The following SAMMSON variants were observed in gnomAD, a reference collection of about 807,000 sequenced individuals.
SAMMSON encodes the protein long intergenic non-protein coding RNA 1212.
At chr3:70,191,063 TC>T (rs1425295555) in intron 4 of SAMMSON, among the ~76,000 whole-genome samples, 1 of 152,170 alleles carries the variant, frequency 6.6e-6, no homozygotes, top group East Asian at 1.9e-4. Flanking sequence ...ACTGAGAGGA[TC>T]TTCTTCTATA....
At chr3:70,239,901 T>C (rs576770633) in intron 4 of SAMMSON, among the ~76,000 whole-genome samples, 2 of 152,294 alleles carry the variant, frequency 1.3e-5, no homozygotes, top group East Asian at 3.9e-4. Flanking sequence ...GTCTATTTAC[T>C]CTTGCGGACA....
intron 6 of SAMMSON, among the ~76,000 whole-genome samples, chr3:70,281,732 G>C (rs1284754581): frequency 1.3e-5 from 2 of 152,024 alleles, no homozygotes; most frequent in African/African-American, 4.8e-5. Flanking sequence ...TCTCGTCTTT[G>C]GAATTCCGAT....
At chr3:70,042,549 A>T (rs768145546) in intron 3 of SAMMSON, among the ~76,000 whole-genome samples, 4 of 152,082 alleles carry the variant, frequency 2.6e-5, no homozygotes, top group Non-Finnish European at 1.5e-5. Context: ...GATTCTACAG[A>T]TGACAACACA....
At chr3:70,055,644 ACTTAT>A (rs1296209036) in intron 3 of SAMMSON, among the ~76,000 whole-genome samples, 1 of 152,108 alleles carries the variant, frequency 6.6e-6, no homozygotes, top group African/African-American at 2.4e-5. Context: ...TTTCCGTTGA[ACTTAT>A]CTTATGTGAC....
intron 6 of SAMMSON, among the ~76,000 whole-genome samples, chr3:70,290,188 G>GT (rs1702218337): frequency 6.6e-6 from 1 of 152,110 alleles, no homozygotes; most frequent in African/African-American, 2.4e-5. Context: ...CATCTTTGTG[G>GT]TTTTATCTAC....
At chr3:70,323,760 C>A (rs753126680) in intron 7 of SAMMSON, among the ~76,000 whole-genome samples, 1 of 152,108 alleles carries the variant, frequency 6.6e-6, no homozygotes, top group Non-Finnish European at 1.5e-5. Flanking sequence ...TGCTGGCATA[C>A]CTTATTGTTG....
At chr3:70,036,822 A>T (rs2067087224) in intron 3 of SAMMSON, among the ~76,000 whole-genome samples, 1 of 152,104 alleles carries the variant, frequency 6.6e-6, no homozygotes, top group African/African-American at 2.4e-5. Flanking sequence ...TATTAAAAAA[A>T]TTGCTGTGAG....
intron 4 of SAMMSON, among the ~76,000 whole-genome samples, chr3:70,167,016 G>A (rs766827386): frequency 2.6e-5 from 4 of 151,854 alleles, no homozygotes; most frequent in Non-Finnish European, 5.9e-5. Flanking sequence ...AAATTTTATA[G>A]TAGTTACAAT....
chr3:70,003,502 T>G (rs2066914044), intron 1 of SAMMSON, among the ~76,000 whole-genome samples: 1 of 151,856 alleles, frequency 6.6e-6, no homozygotes, highest in African/African-American at 2.4e-5. Context: ...GGTATTTACA[T>G]GGTTATTAAA....
chr3:70,179,921 C>G (rs969481504), intron 4 of SAMMSON, among the ~76,000 whole-genome samples: 27 of 151,876 alleles, frequency 1.8e-4, no homozygotes, highest in African/African-American at 6.5e-4. Context: ...TGGATAGTGT[C>G]AACAGTCCTG....
intron 4 of SAMMSON, chr3:70,075,228 C>A (rs1458280263): frequency 6.6e-6 from 1 of 152,098 alleles, no homozygotes; most frequent in Non-Finnish European, 1.5e-5. Flanking sequence ...CACTAATTTA[C>A]TAAAGAATCT....
intron 2 of SAMMSON, among the ~76,000 whole-genome samples, chr3:70,413,746 A>C (rs531302577): frequency 8.5e-5 from 13 of 152,208 alleles, no homozygotes; most frequent in African/African-American, 3.1e-4. Flanking sequence ...AAAGGGCACT[A>C]TTTAGGGAAA....
intron 4 of SAMMSON, among the ~76,000 whole-genome samples, chr3:70,164,128 C>T (rs2067627195): frequency 6.6e-6 from 1 of 151,908 alleles, no homozygotes; most frequent in Admixed American, 6.6e-5. Flanking sequence ...TTATTATTAC[C>T]AATTCATCTG....
At chr3:70,354,435 T>C (rs1204619280) in intron 8 of SAMMSON, among the ~76,000 whole-genome samples, 1 of 152,004 alleles carries the variant, frequency 6.6e-6, no homozygotes, top group East Asian at 1.9e-4. Flanking sequence ...CTGGAAATAG[T>C]TTAAAGATAA....
chr3:70,232,969 G>A (rs1485987371), intron 4 of SAMMSON, among the ~76,000 whole-genome samples: 1 of 152,080 alleles, frequency 6.6e-6, no homozygotes, highest in Non-Finnish European at 1.5e-5. Context: ...GAGGCAGATC[G>A]CTTGAGGCCA....
At chr3:70,042,362 A>G (rs2067109364) in intron 3 of SAMMSON, among the ~76,000 whole-genome samples, 1 of 152,112 alleles carries the variant, frequency 6.6e-6, no homozygotes, top group Admixed American at 6.6e-5. Context: ...TAAGCAATCC[A>G]GGATAAAAGT....
chr3:70,056,062 G>T (rs897775572), intron 3 of SAMMSON, among the ~76,000 whole-genome samples: 2 of 152,052 alleles, frequency 1.3e-5, no homozygotes, highest in African/African-American at 4.8e-5. Flanking sequence ...CAGGATCACT[G>T]CAGACTGAGC....
chr3:70,119,169 C>A (rs2067423052), intron 4 of SAMMSON, among the ~76,000 whole-genome samples: 1 of 152,144 alleles, frequency 6.6e-6, no homozygotes, highest in Non-Finnish European at 1.5e-5. Context: ...TGGGTTCAAG[C>A]AATTCTCCTA....
intron 4 of SAMMSON, chr3:70,137,459 A>G (rs2067510554): frequency 6.6e-6 from 1 of 152,184 alleles, no homozygotes; most frequent in Admixed American, 6.5e-5. Context: ...CATGAAATTG[A>G]AATCACAGTG....
Sources: gnomAD v4.1 joint callset for allele counts (sites outside exome capture counted in the v4.1 genomes callset) on GRCh38, gnomAD v4.1.1 for gene constraint, MANE v1.5 for transcripts, NCBI Gene and HGNC (gene_info 2026-07-23, HGNC 2026-07-21) for gene names.